NOX4: variants seen among roughly 807,000 people sequenced by gnomAD.
The protein encoded by NOX4 is kidney oxidase-1.
Under a neutral mutation model 87.6 loss-of-function variants are expected in NOX4, and 69 were observed. The ratio of observed to expected loss-of-function variants is 0.79; its 90% CI spans 0.65 to 0.96. The LOEUF (loss-of-function observed/expected upper bound fraction) is 0.96. Ranked by LOEUF, NOX4 falls within the 40% of genes least tolerant of loss-of-function variation. The probability of loss-of-function intolerance (pLI) is 0.00; values close to 1 mark genes in which losing one functional copy is unlikely to be tolerated. For missense variants in NOX4, 680 were observed against 681.5 expected (o/e 1.00, Z 0.02); for synonymous variants, 275 against 238.2 (o/e 1.15, Z -1.42).
At chr11:89,448,362 A>C (rs1762982660) in intron 4 of NOX4, among the ~76,000 whole-genome samples, 1 of 152,172 alleles carries the variant, frequency 6.6e-6, no homozygotes, top group Admixed American at 6.6e-5. Context: ...TTCTGTTCCA[A>C]AAATTTGAAA....
intron 2 of NOX4, among the ~76,000 whole-genome samples, chr11:89,487,387 T>G (rs1339896102): frequency 6.6e-6 from 1 of 152,228 alleles, no homozygotes; most frequent in Admixed American, 6.5e-5. Flanking sequence ...AATTAACTGT[T>G]TCTCATTGTC....
upstream of NOX4, among the ~76,000 whole-genome samples, chr11:89,494,063 T>A (rs187223661): frequency 8.4e-4 from 128 of 152,272 alleles, no homozygotes; most frequent in East Asian, 0.024. Context: ...CCAACCAGAT[T>A]GTTTAATGAC....
At chr11:89,403,083 T>A (rs983688657) in intron 8 of NOX4, among the ~76,000 whole-genome samples, 2 of 152,134 alleles carry the variant, frequency 1.3e-5, no homozygotes, top group African/African-American at 2.4e-5. Context: ...CAGCAATCAG[T>A]CCCTAAATCT....
At chr11:89,526,002 T>C in the NOX4 span, among the ~76,000 whole-genome samples, 1 of 152,168 alleles carries the variant, frequency 6.6e-6, no homozygotes, top group African/African-American at 2.4e-5. Flanking sequence ...TATACCTTTT[T>C]CCAAAATTAA....
the NOX4 span, among the ~76,000 whole-genome samples, chr11:89,517,636 T>C: frequency 6.6e-6 from 1 of 151,842 alleles, no homozygotes; most frequent in African/African-American, 2.4e-5. Context: ...TGGCTAATTT[T>C]TTTTTTTTCA....
chr11:89,491,767 AG>A (rs1946867022), upstream of NOX4, among the ~76,000 whole-genome samples: 3 of 114,568 alleles, frequency 2.6e-5, no homozygotes, highest in South Asian at 6.9e-4. Context: ...CACACACACA[AG>A]AAGACACAGC....
chr11:89,451,891 C>T lies in NOX4; in HGVS notation c.158G>A (p.Gly53Glu). The change falls in exon 3 of 18, where the codon GGA (glycine) becomes GAA (glutamate). Residue 53 changes from glycine to glutamate, a missense_variant. Coordinates refer to ENST00000263317, the MANE Select transcript of NOX4 (RefSeq NM_016931.5). Reference protein sequence around the residue: ...YHYLHQMLGLGLCLSRASASV... With the variant: ...YHYLHQMLGLELCLSRASASV... ...TGCTGAGGCTCTGCTTAGACACAAT[C>T]CTAGCTGAACAAATAAGGCAAGGTC... 3 of 1,609,040 alleles carry T rather than the reference C, an allele frequency of 1.9e-6. No homozygotes were observed. The highest frequency in any genetic ancestry group is 2.6e-6 in the Non-Finnish European group (3 of 1,175,712).
Position 89,400,297 on chromosome 11 carries a change from G to A in NOX4, c.929C>T (p.Thr310Ile). Reference protein sequence around the residue: ...YRYIRSNKPVTIISVMSHPSD... With the variant: ...YRYIRSNKPVIIISVMSHPSD... ...GGGATGACTCATGACCGAAATGATGGTGACTGGCTTATTGCTCCGGATATA... is the reference window on the plus strand; with the variant it reads ...GGGATGACTCATGACCGAAATGATGATGACTGGCTTATTGCTCCGGATATA... Residue 310 changes from threonine (T) to isoleucine (I), a missense_variant, in exon 10 of 18, where the codon ACC becomes ATC. By Grantham distance (89) the Thr-to-Ile change is moderately conservative. Transcript: ENST00000263317. 6.2e-7 allele frequency: 1 copy of A among 1,612,930 alleles called. No homozygotes were observed. Among genetic ancestry groups the A allele is most frequent in the Non-Finnish European group, 8.5e-7 (1 of 1,179,276 alleles).
the NOX4 span, among the ~76,000 whole-genome samples, chr11:89,540,045 C>T: frequency 6.6e-6 from 1 of 152,122 alleles, no homozygotes; most frequent in African/African-American, 2.4e-5. Context: ...ACAGATTAGG[C>T]ACCTCAATTG....
At position 89,402,440 on chromosome 11, in the gene NOX4, T is replaced by G; in HGVS notation, c.732A>C (p.Ser244=). Residue 244 remains serine (S), a synonymous_variant, in exon 9 of 18, where the codon TCA becomes TCC. Transcript: ENST00000263317. ...CAGGGAAAGGTTCATGAAAATGTTC[T>G]GAGAAATACTCTGGTAAGGAAATAT... ...SQNISLPEYF[S]EHFHEPFPEG... The G allele has an allele frequency of 1.9e-6, 3 of 1,613,096 alleles. No homozygotes were observed. Among genetic ancestry groups the G allele is most frequent in the Non-Finnish European group, 2.5e-6 (3 of 1,179,514 alleles).
At chr11:89,376,508 G>A (rs944266655) in intron 11 of NOX4, among the ~76,000 whole-genome samples, 99 of 152,242 alleles carry the variant, frequency 6.5e-4, no homozygotes, top group African/African-American at 2.3e-3. Flanking sequence ...CCTAAAACAT[G>A]AATTAAAAGA....
At chr11:89,459,829 C>G (rs551102475) in intron 2 of NOX4, among the ~76,000 whole-genome samples, 2 of 152,202 alleles carry the variant, frequency 1.3e-5, no homozygotes, top group Non-Finnish European at 2.9e-5. Context: ...TCATATGGAA[C>G]CAAAAAAGAG....
At chr11:89,459,479 A>C (rs908321128) in intron 2 of NOX4, among the ~76,000 whole-genome samples, 1 of 152,202 alleles carries the variant, frequency 6.6e-6, no homozygotes, top group Non-Finnish European at 1.5e-5. Flanking sequence ...ATACAAAATC[A>C]ATGTGTAAAA....
chr11:89,555,374 T>C, the NOX4 span, among the ~76,000 whole-genome samples: 12 of 152,118 alleles, frequency 7.9e-5, no homozygotes, highest in East Asian at 1.9e-3. Context: ...TAGTCTCAGT[T>C]ATTGGCAGGC....
the NOX4 span, among the ~76,000 whole-genome samples, chr11:89,507,842 G>C: frequency 2.6e-5 from 4 of 151,768 alleles, no homozygotes; most frequent in Non-Finnish European, 5.9e-5. Flanking sequence ...AAGAATAGCA[G>C]TGATGGGCCT....
the NOX4 span, chr11:89,576,987 G>A: frequency 2.6e-5 from 4 of 152,096 alleles, no homozygotes; most frequent in Admixed American, 2.0e-4. Flanking sequence ...TGTGAAGAAT[G>A]CCAGAGGCTG....
At chr11:89,460,409 C>T (rs1236852793) in intron 2 of NOX4, among the ~76,000 whole-genome samples, 1 of 152,050 alleles carries the variant, frequency 6.6e-6, no homozygotes, top group African/African-American at 2.4e-5. Context: ...TGCATTCTAC[C>T]TATCTGACAA....
the NOX4 span, among the ~76,000 whole-genome samples, chr11:89,579,939 A>G: frequency 6.6e-6 from 1 of 152,138 alleles, no homozygotes; most frequent in Admixed American, 6.6e-5. Flanking sequence ...CATTTAGAAG[A>G]TATGTAAATT....
intron 7 of NOX4, among the ~76,000 whole-genome samples, chr11:89,429,057 AC>A (rs1256920952): frequency 6.6e-6 from 1 of 152,180 alleles, no homozygotes; most frequent in Non-Finnish European, 1.5e-5. Context: ...TTAAGAACTC[AC>A]TCAAAACCGC....
Sources: gnomAD v4.1 joint callset for allele counts (sites outside exome capture counted in the v4.1 genomes callset) on GRCh38, gnomAD v4.1.1 for gene constraint, MANE v1.5 for transcripts, NCBI Gene and HGNC (gene_info 2026-07-23, HGNC 2026-07-21) for gene names.